The following GINM1 variants were observed in gnomAD, a reference collection of about 807,000 sequenced individuals.
The protein encoded by GINM1 is glycoprotein integral membrane protein 1.
GINM1 carries 29 observed loss-of-function variants against 37.8 expected under a neutral mutation model. The observed-to-expected ratio is 0.77, with a 90% CI of 0.57 to 1.05. The LOEUF (loss-of-function observed/expected upper bound fraction) is 1.05. Ranked by LOEUF, GINM1 falls within the 50% of genes least tolerant of loss-of-function variation. The pLI is 0.00. For missense variants in GINM1, 377 were observed against 397.9 expected (o/e 0.95, Z 0.45); for synonymous variants, 143 against 146.2 (o/e 0.98, Z 0.16).
In GINM1 at chr6:149,579,995, CTTAAAAGACCATTATTTAAAGT is replaced by C. The variant is rs982427774; in HGVS notation, c.586+6_586+27del. ...TTCCTAACCTCTCCAAAAAAGGTAACTTAAAAGACCATTATTTAAAGTATTAAGGAGATTATTTATTTAGTTG... is the reference window on the plus strand; with the variant it reads ...TTCCTAACCTCTCCAAAAAAGGTAACATTAAGGAGATTATTTATTTAGTTG... On this transcript the variant is annotated splice_donor_region_variant and intron_variant, in intron 5 of 7. Coordinates refer to ENST00000367419, the MANE Select transcript of GINM1 (RefSeq NM_138785.5). 2 of 1,537,272 alleles carry C rather than the reference CTTAAAAGACCATTATTTAAAGT, an allele frequency of 1.3e-6. No homozygotes were observed. The highest frequency in any genetic ancestry group is 1.8e-6 in the Non-Finnish European group (2 of 1,128,434).
chr6:149,568,535 G>C (rs571591142), intron 1 of GINM1, among the ~76,000 whole-genome samples: 112 of 152,360 alleles, frequency 7.4e-4, no homozygotes, highest in African/African-American at 2.6e-3. Flanking sequence ...TGCCAGTGAG[G>C]AACTGTTTTT....
chr6:149,575,944 A>G (rs922796363), intron 3 of GINM1: 2 of 152,218 alleles, frequency 1.3e-5, no homozygotes, highest in Non-Finnish European at 2.9e-5. Flanking sequence ...AATCTTCAAA[A>G]CATTAAATGC....
chr6:149,587,957 T>A (rs926132845), intron 7 of GINM1, among the ~76,000 whole-genome samples: 14 of 152,198 alleles, frequency 9.2e-5, no homozygotes, highest in African/African-American at 3.4e-4. Flanking sequence ...TTAGGAGCTG[T>A]TCCAGGAAGC....
intron 2 of GINM1, 77 bp from the exon 3 acceptor site, chr6:149,572,426 TTTAG>T (rs1283401192): frequency 2.0e-5 from 25 of 1,259,770 alleles, no homozygotes; most frequent in Non-Finnish European, 2.7e-5. Context: ...GCACGTCTCA[TTTAG>T]TTAATCTTTT....
intron 2 of GINM1, 80 bp from the exon 3 acceptor site, chr6:149,572,427 T>G: frequency 9.6e-6 from 12 of 1,251,424 alleles, no homozygotes; most frequent in Non-Finnish European, 1.3e-5. Context: ...CACGTCTCAT[T>G]TAGTTAATCT....
In GINM1 at chr6:149,580,682, C is replaced by G; in HGVS notation, c.676C>G (p.Pro226Ala). 1 of 1,613,872 alleles carries G rather than the reference C, an allele frequency of 6.2e-7. No individual in the cohort carries two copies. Among genetic ancestry groups the G allele is most frequent in the Non-Finnish European group, 8.5e-7 (1 of 1,179,856 alleles). ...VDEDVLPGKL[P>A]ETPLRAEPPS... is the part of the protein sequence containing the mutation. ...TGAAGATGTTTTACCTGGCAAGTTA[C>G]CTGAAACTCCTCTCAGAGCAGAGCC... Residue 226 changes from proline to alanine, a missense_variant, in exon 6 of 8, where the codon CCT (proline) becomes GCT (alanine). Transcript: ENST00000367419.
At chr6:149,579,628 G>A (rs1455842514) in intron 4 of GINM1, among the ~76,000 whole-genome samples, 3 of 151,684 alleles carry the variant, frequency 2.0e-5, no homozygotes, top group South Asian at 2.1e-4. Flanking sequence ...GAAGGCGGAG[G>A]TTGCGGCAAG....
At chr6:149,590,654 C>G in intron 7 of GINM1, 73 bp from the exon 8 acceptor site, 1 of 773,050 alleles carries the variant, frequency 1.3e-6, no homozygotes, top group Non-Finnish European at 2.2e-6. Context: ...CTTGAAGTAG[C>G]CTTTTCTCAC....
At chr6:149,574,311 C>G (rs1307362306) in intron 3 of GINM1, among the ~76,000 whole-genome samples, 1 of 151,872 alleles carries the variant, frequency 6.6e-6, no homozygotes. Flanking sequence ...CTCGGCCTCC[C>G]AAAGTGCTGG....
At chr6:149,578,470 G>C (rs1180711401) in intron 3 of GINM1, among the ~76,000 whole-genome samples, 3 of 144,638 alleles carry the variant, frequency 2.1e-5, no homozygotes, top group African/African-American at 7.8e-5. Context: ...AGGTTGCAGT[G>C]AGCCAAGGTG....
rs369150777 is a variant in GINM1 at position 149,591,126 on chromosome 6, TA to T, written c.*296del. 6.7e-3 allele frequency: 1,336 copies of T among 197,946 alleles called. 20 individuals are homozygous for T. The highest frequency in any genetic ancestry group is 0.029 in the African/African-American group (1,221 of 42,404). 12.3% of individuals were successfully genotyped at this position (197,946 alleles called of 1,614,324 possible). A position where few individuals can be genotyped will look rare whatever the true frequency, so the allele number is the denominator to read the frequency against. ...CAACATGGTGAAACCCTGTCTCTAC[TA>T]AAAAAAATAAAAAAATTAGCTGGGT... On this transcript the variant is annotated 3_prime_UTR_variant, in exon 8 of 8. Transcript: ENST00000367419.
chr6:149,574,047 ATTTTT>A (rs35023561), intron 3 of GINM1, among the ~76,000 whole-genome samples: 1 of 129,338 alleles, frequency 7.7e-6, no homozygotes. Context: ...TATACATAGG[ATTTTT>A]TTTTTTTTTT....
Position 149,587,345 on chromosome 6 carries a change from C to T in GINM1, c.882-3382C>T, listed in dbSNP as rs957369646. 2.6e-5 allele frequency among the ~76,000 whole-genome samples: 4 copies of T among 152,264 alleles called. No homozygotes were observed. The East Asian group carries it at 5.8e-4, about 22-fold the overall frequency. The stretch of plus-strand genomic sequence containing the variant: ...TCTGACACTTTCCACCTGGACACAG[C>T]GTCAGATCCCACAGGCTAAGGGCTT... On this transcript the variant is annotated intron_variant, in intron 7 of 7. Coordinates refer to ENST00000367419, the MANE Select transcript of GINM1 (RefSeq NM_138785.5).
chr6:149,584,597 T>C (rs545603629), intron 7 of GINM1: 36 of 152,234 alleles, frequency 2.4e-4, no homozygotes, highest in African/African-American at 8.7e-4. Flanking sequence ...GAATTGGCAT[T>C]CCCATTCCTT....
chr6:149,568,203 T>C (rs1333748237), intron 1 of GINM1, among the ~76,000 whole-genome samples: 1 of 152,096 alleles, frequency 6.6e-6, no homozygotes, highest in South Asian at 2.1e-4. Flanking sequence ...AGACCAAGAG[T>C]TGGGTGTTGG....
intron 7 of GINM1, among the ~76,000 whole-genome samples, chr6:149,587,328 T>C: frequency 6.6e-6 from 1 of 152,154 alleles, no homozygotes; most frequent in African/African-American, 2.4e-5. Context: ...GTTCTGACAC[T>C]TTCCACCTGG....
intron 3 of GINM1, chr6:149,578,222 TAAAAG>T (rs1465090633): frequency 6.6e-6 from 1 of 152,156 alleles, no homozygotes; most frequent in African/African-American, 2.4e-5. Context: ...CCAACCTGTA[TAAAAG>T]AATAGGAAAG....
At chr6:149,585,341 A>G (rs1417527560) in intron 7 of GINM1, among the ~76,000 whole-genome samples, 1 of 152,182 alleles carries the variant, frequency 6.6e-6, no homozygotes, top group African/African-American at 2.4e-5. Flanking sequence ...TTCTTATTCT[A>G]CCTAGAGGTA....
intron 7 of GINM1, among the ~76,000 whole-genome samples, chr6:149,589,359 A>G (rs1562274182): frequency 6.6e-6 from 1 of 152,042 alleles, no homozygotes; most frequent in Non-Finnish European, 1.5e-5. Context: ...TGCAACCTCA[A>G]CTTCCCGGGG....
Sources: gnomAD v4.1 joint callset for allele counts (sites outside exome capture counted in the v4.1 genomes callset) on GRCh38, gnomAD v4.1.1 for gene constraint, MANE v1.5 for transcripts, NCBI Gene and HGNC (gene_info 2026-07-23, HGNC 2026-07-21) for gene names.